Variants in CNTN4 observed in about 807,000 individuals in gnomAD.
CNTN4 encodes the protein contactin 4.
A neutral mutation model predicts 122.5 loss-of-function variants in CNTN4; 77 were observed. That is an observed-to-expected ratio of 0.63 (90% CI 0.52 to 0.76). The LOEUF is 0.76. Ranked by LOEUF, CNTN4 falls within the 30% of genes least tolerant of loss-of-function variation. The pLI is 0.00. For missense variants in CNTN4, 1,256 were observed against 1,259.1 expected (o/e 1.00, Z 0.04); for synonymous variants, 512 against 447.0 (o/e 1.15, Z -1.83).
intron 2 of CNTN4, among the ~76,000 whole-genome samples, chr3:2,221,042 A>G (rs2039042542): frequency 1.3e-5 from 2 of 152,072 alleles, no homozygotes; most frequent in Non-Finnish European, 2.9e-5. Context: ...GAGTGATTCT[A>G]CCTTGTTTCT....
intron 3 of CNTN4, among the ~76,000 whole-genome samples, chr3:2,400,417 A>ATG (rs1455547809): frequency 1.5e-5 from 1 of 64,856 alleles, no homozygotes. Flanking sequence ...ATATATATAT[A>ATG]TATATATATA....
intron 4 of CNTN4, among the ~76,000 whole-genome samples, chr3:2,666,059 AG>A (rs2084142286): frequency 6.6e-6 from 1 of 152,182 alleles, no homozygotes; most frequent in Non-Finnish European, 1.5e-5. Context: ...AGACTCCCTA[AG>A]TTGTCTACGC....
At chr3:2,237,974 C>G (rs2039749199) in intron 2 of CNTN4, among the ~76,000 whole-genome samples, 2 of 151,974 alleles carry the variant, frequency 1.3e-5, no homozygotes, top group South Asian at 4.1e-4. Flanking sequence ...AAAATCAGGT[C>G]CTCTGTAAAT....
intron 3 of CNTN4, among the ~76,000 whole-genome samples, chr3:2,370,491 GT>G (rs747928930): frequency 6.6e-6 from 1 of 152,150 alleles, no homozygotes; most frequent in Non-Finnish European, 1.5e-5. Context: ...GGAGGGAGAG[GT>G]GACAGAGTAA....
chr3:2,392,224 C>A (rs528860236), intron 3 of CNTN4, among the ~76,000 whole-genome samples: 1 of 152,182 alleles, frequency 6.6e-6, no homozygotes, highest in African/African-American at 2.4e-5. Flanking sequence ...TTCACGTCAT[C>A]CCCTGTGAGG....
At chr3:2,471,670 G>A (rs547788048) in intron 3 of CNTN4, among the ~76,000 whole-genome samples, 1 of 152,228 alleles carries the variant, frequency 6.6e-6, no homozygotes, top group African/African-American at 2.4e-5. Flanking sequence ...AGGTGCATTG[G>A]TTCACAGTAT....
At chr3:2,455,017 ATACTTCATC>A (rs1375828070) in intron 3 of CNTN4, among the ~76,000 whole-genome samples, 7 of 151,862 alleles carry the variant, frequency 4.6e-5, no homozygotes, top group Middle Eastern at 3.2e-3. Flanking sequence ...AATACCAGGC[ATACTTCATC>A]TGTTAGTGGC....
chr3:2,155,821 T>A (rs1232112034), intron 2 of CNTN4, among the ~76,000 whole-genome samples: 3 of 152,194 alleles, frequency 2.0e-5, no homozygotes, highest in Non-Finnish European at 2.9e-5. Context: ...TCCAAATGAT[T>A]CTTGTTCATC....
intron 4 of CNTN4, among the ~76,000 whole-genome samples, chr3:2,696,176 A>G (rs991366258): frequency 6.6e-6 from 1 of 152,244 alleles, no homozygotes; most frequent in Non-Finnish European, 1.5e-5. Flanking sequence ...GCTTTTCAAG[A>G]GATCATAAAT....
intron 14 of CNTN4, among the ~76,000 whole-genome samples, chr3:2,999,533 G>A (rs1343996403): frequency 2.0e-5 from 3 of 152,224 alleles, no homozygotes; most frequent in Middle Eastern, 3.4e-3. Flanking sequence ...CAGGTTTGGG[G>A]TCTAGGGAGG....
At chr3:2,196,818 G>A (rs1024504235) in intron 2 of CNTN4, among the ~76,000 whole-genome samples, 11 of 151,980 alleles carry the variant, frequency 7.2e-5, no homozygotes, top group Non-Finnish European at 1.5e-4. Flanking sequence ...GCCGAGGTGG[G>A]CAGATCTTAT....
chr3:2,860,667 T>G (rs988355558), intron 7 of CNTN4, among the ~76,000 whole-genome samples: 1 of 152,202 alleles, frequency 6.6e-6, no homozygotes, highest in African/African-American at 2.4e-5. Context: ...CCTCCACTCT[T>G]GTTTCCCAAG....
At chr3:2,521,351 AC>A (rs770856406) in intron 3 of CNTN4, among the ~76,000 whole-genome samples, 63,166 of 115,138 alleles carry the variant, frequency 0.55, 13,850 homozygotes, top group East Asian at 0.69. Flanking sequence ...CATCCCCCCC[AC>A]CCCCCGCAAT....
chr3:2,293,125 A>G (rs1251734899), intron 2 of CNTN4, among the ~76,000 whole-genome samples: 2 of 118,112 alleles, frequency 1.7e-5, no homozygotes, highest in African/African-American at 6.5e-5. Context: ...TGGTTTAACA[A>G]GAGTTCTTGA....
At chr3:2,997,135 T>C (rs953379945) in intron 14 of CNTN4, among the ~76,000 whole-genome samples, 1 of 152,198 alleles carries the variant, frequency 6.6e-6, no homozygotes, top group African/African-American at 2.4e-5. Context: ...AAAAATAATT[T>C]CCATAGCTGA....
chr3:2,271,377 G>C (rs1375747113), intron 2 of CNTN4, among the ~76,000 whole-genome samples: 1 of 152,056 alleles, frequency 6.6e-6, no homozygotes. Context: ...TTGTGAATGT[G>C]CTTATTATTT....
At chr3:2,881,037 A>G (rs1278355802) in intron 8 of CNTN4, among the ~76,000 whole-genome samples, 1 of 151,666 alleles carries the variant, frequency 6.6e-6, no homozygotes, top group Non-Finnish European at 1.5e-5. Flanking sequence ...TCATCATTCC[A>G]GGAAAGGAAG....
chr3:2,371,979 G>A (rs2045648685), intron 3 of CNTN4, among the ~76,000 whole-genome samples: 1 of 152,176 alleles, frequency 6.6e-6, no homozygotes, highest in Non-Finnish European at 1.5e-5. Context: ...ACCAGCATCT[G>A]ATTACTTTGT....
chr3:2,767,035 A>G (rs537602090), intron 6 of CNTN4, among the ~76,000 whole-genome samples: 49 of 152,308 alleles, frequency 3.2e-4, no homozygotes, highest in African/African-American at 1.1e-3. Flanking sequence ...GCAATACTAG[A>G]AAAAATGGTC....
Sources: gnomAD v4.1 joint callset for allele counts (sites outside exome capture counted in the v4.1 genomes callset) on GRCh38, gnomAD v4.1.1 for gene constraint, MANE v1.5 for transcripts, NCBI Gene and HGNC (gene_info 2026-07-23, HGNC 2026-07-21) for gene names.